SHC2: variants seen among roughly 807,000 people sequenced by gnomAD.
The protein encoded by SHC2 is SHC adaptor protein 2.
Under a neutral mutation model 60.6 loss-of-function variants are expected in SHC2, and 62 were observed. The ratio of observed to expected loss-of-function variants is 1.02; its 90% CI spans 0.83 to 1.26. The LOEUF (loss-of-function observed/expected upper bound fraction) is 1.26, where lower values mean the gene tolerates loss of function less well. Ranked by LOEUF, SHC2 falls within the 50% of genes most tolerant of loss-of-function variation. The probability of loss-of-function intolerance (pLI) is 0.00; values close to 1 mark genes in which losing one functional copy is unlikely to be tolerated. For missense variants in SHC2, 873 were observed against 822.2 expected, an observed-to-expected ratio of 1.06 and a Z score of -0.76; for synonymous variants, 375 against 372.4, an observed-to-expected ratio of 1.01 and a Z score of -0.08.
chr19:430,747 C>T lies in SHC2; in HGVS notation c.1111G>A (p.Gly371Ser), dbSNP rs1427565089. Residue 371 changes from glycine to serine, a missense_variant and splice_region_variant, in exon 9 of 13, where the codon GGC becomes AGC. Transcript: ENST00000264554. ...QPCALTALDQGPSPSLRDACS... is the reference protein window; with the variant it reads ...QPCALTALDQSPSPSLRDACS... ...GCATCTCTTAGAGAAGGAGATGGGC[C>T]CTGGAAACAGAGCAGTGAGAGGTTC... The T allele has an allele frequency of 1.2e-6, 2 of 1,612,986 alleles. No individual in the cohort carries two copies. The highest frequency in any genetic ancestry group is 1.1e-5 in the South Asian group (1 of 91,018).
In SHC2 at chr19:441,067, C is replaced by T. The variant is rs1209370547; in HGVS notation, c.469-135G>A. On this transcript the variant is annotated intron_variant, in intron 1 of 12. Transcript: ENST00000264554. The surrounding 1 kb of genome is among the most constrained non-coding windows in gnomAD (Gnocchi z 4.9). The stretch of plus-strand genomic sequence containing the variant: ...TCCTCTGTCCCTGGTGGCTCTGGGG[C>T]CGTCGTGCCTCCCCCACCTCAAGGC... 19 of 1,491,760 alleles carry T rather than the reference C, an allele frequency of 1.3e-5. No individual in the cohort carries two copies. Among genetic ancestry groups the T allele is most frequent in the Non-Finnish European group, 1.4e-5 (16 of 1,109,098 alleles). 92.4% of individuals were successfully genotyped at this position (1,491,760 alleles called of 1,614,324 possible).
At chr19:450,163 C>T (rs2145746226) in intron 1 of SHC2, among the ~76,000 whole-genome samples, 1 of 152,246 alleles carries the variant, frequency 6.6e-6, no homozygotes, top group South Asian at 2.1e-4. Context: ...GGCTGGGCAG[C>T]CGGCGCTACA....
chr19:447,415 C>G (rs1405816197), intron 1 of SHC2, among the ~76,000 whole-genome samples: 1 of 152,222 alleles, frequency 6.6e-6, no homozygotes, highest in Non-Finnish European at 1.5e-5. Flanking sequence ...TGTGGCTGCA[C>G]TAAATACACC....
chr19:455,035 GA>G (rs1975304348), intron 1 of SHC2, among the ~76,000 whole-genome samples: 1 of 152,236 alleles, frequency 6.6e-6, no homozygotes, highest in Non-Finnish European at 1.5e-5. Flanking sequence ...GGGTCAGGGT[GA>G]CCTGAATCCA....
intron 4 of SHC2, among the ~76,000 whole-genome samples, chr19:436,888 G>T (rs1031539974): frequency 1.3e-5 from 2 of 152,108 alleles, no homozygotes; most frequent in African/African-American, 2.4e-5. Flanking sequence ...AGCAAGGAAG[G>T]GACTAGGGCC....
In SHC2 at chr19:446,243, G is replaced by A. The variant is rs76639555; in HGVS notation, c.469-5311C>T. Among the ~76,000 whole-genome samples the A allele has an allele frequency of 0.033, 5,078 of 152,134 alleles. 206 individuals are homozygous for A. Among genetic ancestry groups the A allele is most frequent in the East Asian group, 0.19 (966 of 5,156 alleles). ...GCCCTGCCCACACCTTGGCTCGGAC[G>A]TTGGGCCCCAGAACTGTGACAGAAC... On this transcript the variant is annotated intron_variant, in intron 1 of 12. Coordinates refer to ENST00000264554, the MANE Select transcript of SHC2 (RefSeq NM_012435.3). This position sits in a 1 kb window ranked among gnomAD's most constrained non-coding sequence, Gnocchi z 5.4.
At chr19:454,975 G>A (rs956627010) in intron 1 of SHC2, among the ~76,000 whole-genome samples, 2 of 152,146 alleles carry the variant, frequency 1.3e-5, no homozygotes, top group African/African-American at 4.8e-5. Context: ...CCTGTCCCGC[G>A]TCCTTCTCTC....
chr19:422,467 G>C lies in SHC2; in HGVS notation c.1310-11C>G, dbSNP rs752435966. ...CATCCTCAAAGGGTCCTGCAGGCCA[G>C]GGACAGGAGTGCTGGGCAGGCAGGG... On this transcript the variant is annotated splice_polypyrimidine_tract_variant and intron_variant, in intron 10 of 12. Transcript: ENST00000264554. The surrounding 1 kb of genome is among the most constrained non-coding windows in gnomAD (Gnocchi z 5.0). 5.3e-6 allele frequency: 8 copies of C among 1,512,632 alleles called. No individual in the cohort carries two copies. In the African/African-American group the frequency reaches 9.7e-5, roughly 18 times the overall value. The allele number at this position is 1,512,632 out of a possible 1,614,324, so 93.7% of individuals were successfully genotyped here.
At chr19:451,840 G>A (rs908034099) in intron 1 of SHC2, among the ~76,000 whole-genome samples, 1 of 152,186 alleles carries the variant, frequency 6.6e-6, no homozygotes, top group African/African-American at 2.4e-5. Flanking sequence ...CAGGTGATCA[G>A]CCCGCCTCTG....
chr19:418,778 G>A, intron 12 of SHC2, 145 bp downstream of exon 12: 3 of 903,160 alleles, frequency 3.3e-6, no homozygotes, highest in Non-Finnish European at 4.8e-6. Flanking sequence ...CGACAGAGAT[G>A]GTTGCACGGC....
intron 1 of SHC2, among the ~76,000 whole-genome samples, chr19:456,575 C>T (rs1325856010): frequency 6.6e-6 from 1 of 152,128 alleles, no homozygotes; most frequent in East Asian, 1.9e-4. Flanking sequence ...TTAAAACCAC[C>T]CCCACTCCTC....
intron 9 of SHC2, 125 bp downstream of exon 9, chr19:430,559 G>C: frequency 1.4e-6 from 1 of 730,526 alleles, no homozygotes; most frequent in East Asian, 2.7e-5. Flanking sequence ...TTAGGAGCAA[G>C]ACGATCTCAT....
At chr19:437,260 G>A (rs1218859383) in intron 4 of SHC2, among the ~76,000 whole-genome samples, 8 of 151,718 alleles carry the variant, frequency 5.3e-5, no homozygotes, top group African/African-American at 1.7e-4. Flanking sequence ...GCTCGTTTGC[G>A]TGCTCGTCTG....
intron 1 of SHC2, among the ~76,000 whole-genome samples, chr19:456,886 CT>C (rs545198412): frequency 2.6e-5 from 3 of 115,670 alleles, no homozygotes; most frequent in African/African-American, 7.9e-5. Context: ...TGCTGTGCCC[CT>C]GCCTAGAACT....
intron 7 of SHC2, among the ~76,000 whole-genome samples, chr19:435,459 C>T (rs1974693459): frequency 6.6e-6 from 1 of 152,260 alleles, no homozygotes; most frequent in South Asian, 2.1e-4. Flanking sequence ...TGTCCCCGTG[C>T]ACAAAGGGGT....
chr19:438,070 CA>C lies in SHC2; in HGVS notation c.720+647del, dbSNP rs1974764442. On this transcript the variant is annotated intron_variant, in intron 4 of 12. Coordinates refer to ENST00000264554, the MANE Select transcript of SHC2 (RefSeq NM_012435.3). The surrounding 1 kb of genome is among the most constrained non-coding windows in gnomAD (Gnocchi z 5.0). ...TGCAATCTTGGCTCACTGCAACCTC[CA>C]CTCCCAGGTTCAAGCGATTCTCCTG... 6.6e-6 allele frequency among the ~76,000 whole-genome samples: 1 copy of C among 152,168 alleles called. No individual in the cohort carries two copies. Among genetic ancestry groups the C allele is most frequent in the East Asian group, 1.9e-4 (1 of 5,190 alleles).
At chr19:443,318 GTGGA>G (rs1974955185) in intron 1 of SHC2, among the ~76,000 whole-genome samples, 1 of 125,920 alleles carries the variant, frequency 7.9e-6, no homozygotes, top group Admixed American at 7.4e-5. Context: ...GAGTGGATGG[GTGGA>G]TGGATGGATG....
In SHC2 at chr19:445,869, A is replaced by G. The variant is rs188357342; in HGVS notation, c.469-4937T>C. 2.0e-5 allele frequency among the ~76,000 whole-genome samples: 3 copies of G among 152,182 alleles called. No homozygotes were observed. Among genetic ancestry groups the G allele is most frequent in the Admixed American group, 2.0e-4 (3 of 15,292 alleles). The stretch of plus-strand genomic sequence containing the variant: ...GCCAACATGGAGAAACCCCAACTCT[A>G]CTGAAAATACAAAAATAAAAATAAA... On this transcript the variant is annotated intron_variant, in intron 1 of 12. Coordinates refer to ENST00000264554, the MANE Select transcript of SHC2 (RefSeq NM_012435.3). This position sits in a 1 kb window ranked among gnomAD's most constrained non-coding sequence, Gnocchi z 4.4.
chr19:456,518 G>A (rs1975346052), intron 1 of SHC2, among the ~76,000 whole-genome samples: 1 of 152,022 alleles, frequency 6.6e-6, no homozygotes, highest in Non-Finnish European at 1.5e-5. Context: ...CTTCCACACG[G>A]CCCCTGGAAG....
Sources: gnomAD v4.1 joint callset for allele counts (sites outside exome capture counted in the v4.1 genomes callset) on GRCh38, gnomAD v4.1.1 for gene constraint, Gnocchi (gnomAD v3.1) non-coding constraint, MANE v1.5 for transcripts, NCBI Gene and HGNC (gene_info 2026-07-23, HGNC 2026-07-21) for gene names.